Variants in RPS6KB2 observed in about 807,000 individuals in gnomAD.
RPS6KB2 encodes ribosomal protein S6 kinase B2, also known as ribosomal protein S6 kinase beta-2.
In RPS6KB2, 51 loss-of-function variants were observed where a neutral mutation model predicts 58.2. The ratio of observed to expected loss-of-function variants is 0.88; its 90% CI spans 0.70 to 1.11. The LOEUF (loss-of-function observed/expected upper bound fraction) is 1.11. Among genes scored for constraint, RPS6KB2 ranks in the 50% least tolerant of loss-of-function variants. The probability of loss-of-function intolerance (pLI) is 0.00; values close to 1 mark genes in which losing one functional copy is unlikely to be tolerated. For synonymous variants in RPS6KB2, 293 were observed against 258.6 expected (o/e 1.13, Z -1.28); for missense variants, 671 against 655.8 (o/e 1.02, Z -0.25).
chr11:67,435,341 G>A lies in RPS6KB2; in HGVS notation c.*172G>A. On this transcript the variant is annotated 3_prime_UTR_variant, in exon 15 of 15. Coordinates refer to ENST00000312629, the MANE Select transcript of RPS6KB2 (RefSeq NM_003952.3). ...TGTGCCCCTGAATCATGGGCACGGAGGGCCGCCCGCCACGCCCCGCGCTCA... is the reference window on the plus strand; with the variant it reads ...TGTGCCCCTGAATCATGGGCACGGAAGGCCGCCCGCCACGCCCCGCGCTCA... 1 of 695,330 alleles carries A rather than the reference G, an allele frequency of 1.4e-6. No homozygotes were observed. Among genetic ancestry groups the A allele is most frequent in the Non-Finnish European group, 2.3e-6 (1 of 428,716 alleles). 43.1% of individuals were successfully genotyped at this position (695,330 alleles called of 1,614,324 possible). A position where few individuals can be genotyped will look rare whatever the true frequency, so the allele number is the denominator to read the frequency against.
At chr11:67,433,948 A>G (rs917729493) in intron 10 of RPS6KB2, 47 bp from the exon 11 acceptor site, 2 of 1,608,846 alleles carry the variant, frequency 1.2e-6, no homozygotes. Flanking sequence ...CCGGGGACAC[A>G]TGAGCAGTAC....
Position 67,429,062 on chromosome 11 carries a change from G to C in RPS6KB2, c.119+40G>C, listed in dbSNP as rs1364678455. ...TGTTGGGGGAGGGGGGAATGGAGTG[G>C]GGAAGGGGAACTGGGGAGCACTGGA... On this transcript the variant is annotated intron_variant, in intron 2 of 14. Coordinates refer to ENST00000312629, the MANE Select transcript of RPS6KB2 (RefSeq NM_003952.3). 4 of 1,613,456 alleles carry C rather than the reference G, an allele frequency of 2.5e-6. No individual in the cohort carries two copies. The Admixed American group carries it at 5.0e-5, about 20-fold the overall frequency.
chr11:67,428,949 C>G (rs1863932872), intron 1 of RPS6KB2, 33 bp from the exon 2 acceptor site: 1 of 1,614,054 alleles, frequency 6.2e-7, no homozygotes, highest in Non-Finnish European at 8.5e-7. Flanking sequence ...ATCCTGGCAC[C>G]TTCCTTGGCT....
chr11:67,434,598 C>A lies in RPS6KB2; in HGVS notation c.1172C>A (p.Ala391Glu). ...GCCCCCCAGGGCTTCACATACGTGG[C>A]GCCGTCTGTCCTGGACAGCATCAAG... Reference protein sequence around the residue: ...NQAFLGFTYVAPSVLDSIKEG... With the variant: ...NQAFLGFTYVEPSVLDSIKEG... Residue 391 changes from alanine to glutamate, a missense_variant, in exon 14 of 15, where the codon GCG becomes GAG. By Grantham distance (107) the Ala-to-Glu change is moderately radical (BLOSUM62 -1). Coordinates refer to ENST00000312629, the MANE Select transcript of RPS6KB2 (RefSeq NM_003952.3). 6.2e-7 allele frequency: 1 copy of A among 1,605,786 alleles called. No homozygotes were observed.
chr11:67,429,774 G>A, intron 4 of RPS6KB2, 179 bp downstream of exon 4: 1 of 594,822 alleles, frequency 1.7e-6, no homozygotes, highest in African/African-American at 1.9e-5. Context: ...GGGCAATTTT[G>A]ACTCCCAGCA....
At chr11:67,434,548 CTGAG>C in intron 13 of RPS6KB2, 30 bp from the exon 14 acceptor site, 1 of 1,596,474 alleles carries the variant, frequency 6.3e-7, no homozygotes, top group Non-Finnish European at 8.5e-7. Context: ...ATGGCAGGCA[CTGAG>C]TGTCGCATGG....
In RPS6KB2 at chr11:67,429,547, G is replaced by A. The variant is rs1863956881; in HGVS notation, c.261G>A (p.Val87=). The A allele has an allele frequency of 6.2e-7, 1 of 1,613,228 alleles. No individual in the cohort carries two copies. The highest frequency in any genetic ancestry group is 1.7e-5 in the Admixed American group (1 of 59,910). The change falls in exon 4 of 15, where the codon GTG becomes GTA. Residue 87 remains valine, a synonymous_variant. Transcript: ENST00000312629. ...TACAGGTGTTCCAGGTGCGAAAGGT[G>A]CAAGGCACCAACTTGGGCAAAATAT... is the stretch of plus-strand genomic sequence containing the variant. The part of the protein sequence containing the change: ...GYGKVFQVRK[V]QGTNLGKIYA...
At position 67,434,593 on chromosome 11, in the gene RPS6KB2, C is replaced by T. The variant is rs375064585; in HGVS notation, c.1167C>T (p.Tyr389=). The change falls in exon 14 of 15, where the codon TAC becomes TAT. Residue 389 remains tyrosine, a synonymous_variant. Transcript: ENST00000312629. ...CCTCCGCCCCCCAGGGCTTCACATA[C>T]GTGGCGCCGTCTGTCCTGGACAGCA... is the stretch of plus-strand genomic sequence containing the variant. ...SANQAFLGFT[Y]VAPSVLDSIK... is the part of the protein sequence containing the mutation. The T allele has an allele frequency of 3.3e-5, 53 of 1,605,388 alleles. No individual in the cohort carries two copies. The highest frequency in any genetic ancestry group is 6.8e-5 in the Admixed American group (4 of 59,128).
Position 67,433,943 on chromosome 11 carries a change from GA to G in RPS6KB2, c.907-51del, listed in dbSNP as rs1307117245. The G allele has an allele frequency of 1.9e-6, 3 of 1,603,780 alleles. No homozygotes were observed. In the Admixed American group the frequency reaches 5.0e-5, roughly 27 times the overall value. On this transcript the variant is annotated intron_variant, in intron 10 of 14. Transcript: ENST00000312629. ...ACTCCAGCTAGCCCTGGGACCCGGG[GA>G]CACATGAGCAGTACTTGCCCAGGCC...
In RPS6KB2 at chr11:67,434,434, G is replaced by A; in HGVS notation, c.1105G>A (p.Asp369Asn). ...DTRFTRQTPV[D>N]SPDDTALSES... ...CCGCTTCACACGGCAGACGCCGGTG[G>A]ACAGTCCTGATGACACAGCCCTCAG... The change falls in exon 13 of 15, where the codon GAC becomes AAC. Residue 369 changes from aspartate to asparagine, a missense_variant. Asp to Asn is a conservative substitution (Grantham distance 23, BLOSUM62 1). Coordinates refer to ENST00000312629, the MANE Select transcript of RPS6KB2 (RefSeq NM_003952.3). The A allele has an allele frequency of 6.2e-7, 1 of 1,613,058 alleles. No homozygotes were observed.
At position 67,428,545 on chromosome 11, in the gene RPS6KB2, C is replaced by T. The variant is rs762377225; in HGVS notation, c.-1C>T. 28 of 1,607,510 alleles carry T rather than the reference C, an allele frequency of 1.7e-5. No individual in the cohort carries two copies. In the Middle Eastern group the frequency reaches 1.0e-3, roughly 58 times the overall value. On this transcript the variant is annotated 5_prime_UTR_variant, in exon 1 of 15. Coordinates refer to ENST00000312629, the MANE Select transcript of RPS6KB2 (RefSeq NM_003952.3). ...GACGGGCCCGCGGGGCCGGCGCCGC[C>T]ATGGCGGCCGTGTTTGATTTGGATT...
At position 67,433,125 on chromosome 11, in the gene RPS6KB2, G is replaced by C. The variant is rs1395823978; in HGVS notation, c.708-1G>C. Reference sequence around the variant, plus strand: ...GACTGACAGTTCCACCTGGACCCCAGGGCCCCTGAGATTCTGGTGCGCAGT... The same window carrying C: ...GACTGACAGTTCCACCTGGACCCCACGGCCCCTGAGATTCTGGTGCGCAGT... On this transcript the variant is annotated splice_acceptor_variant, in intron 8 of 14. Transcript: ENST00000312629. LOFTEE classifies it high-confidence loss of function. 11 of 1,604,620 alleles carry C rather than the reference G, an allele frequency of 6.9e-6. No individual in the cohort carries two copies. Among genetic ancestry groups the C allele is most frequent in the Non-Finnish European group, 9.4e-6 (11 of 1,176,420 alleles).
intron 1 of RPS6KB2, 160 bp downstream of exon 1, chr11:67,428,783 C>T: frequency 1.1e-6 from 1 of 898,634 alleles, no homozygotes; most frequent in Non-Finnish European, 1.8e-6. Context: ...CCCACCCTCA[C>T]CCCGACCTCT....
chr11:67,434,500 T>C lies in RPS6KB2; in HGVS notation c.1155+16T>C. The C allele has an allele frequency of 1.9e-6, 3 of 1,606,116 alleles. No homozygotes were observed. The highest frequency in any genetic ancestry group is 2.6e-6 in the Non-Finnish European group (3 of 1,175,610). Reference sequence around the variant, plus strand: ...GGCCTTCCTGGTGAGTGCGGGGGCCTGAGGCCTGTGGGACCAGGGCACGGA... The same window carrying C: ...GGCCTTCCTGGTGAGTGCGGGGGCCCGAGGCCTGTGGGACCAGGGCACGGA... On this transcript the variant is annotated intron_variant, in intron 13 of 14. Transcript: ENST00000312629.
At position 67,429,212 on chromosome 11, in the gene RPS6KB2, G is replaced by C; in HGVS notation, c.212G>C (p.Arg71Pro). The change falls in exon 3 of 15, where the codon CGT becomes CCT. Residue 71 changes from arginine (R) to proline (P), a missense_variant. Physicochemically the swap from Arg to Pro is moderately radical, Grantham distance 103 (BLOSUM62 -2). Coordinates refer to ENST00000312629, the MANE Select transcript of RPS6KB2 (RefSeq NM_003952.3). ...RIGPHCFELL[R>P]VLGKGGYGKV... ...GGGCCCCACTGCTTTGAGCTGCTGC[G>C]TGTGCTGGGCAAGGGGGGCTATGGC... 1 of 1,613,602 alleles carries C rather than the reference G, an allele frequency of 6.2e-7. No individual in the cohort carries two copies. The highest frequency in any genetic ancestry group is 8.5e-7 in the Non-Finnish European group (1 of 1,180,018).
intron 4 of RPS6KB2, 39 bp from the exon 5 acceptor site, chr11:67,431,329 C>A (rs1429571943): frequency 1.2e-6 from 2 of 1,605,462 alleles, no homozygotes; most frequent in African/African-American, 2.7e-5. Context: ...TGTGCCCAGC[C>A]TGGATGCCTC....
At position 67,435,062 on chromosome 11, in the gene RPS6KB2, C is replaced by T; in HGVS notation, c.1342C>T (p.Pro448Ser). Residue 448 changes from proline (P) to serine (S), a missense_variant, in exon 15 of 15, where the codon CCT (proline) becomes TCT (serine). Pro to Ser is a moderately conservative substitution (Grantham distance 74). Transcript: ENST00000312629. ...GCCGGAGCCCACGGAGCTACCTCTA[C>T]CTCCACTCCTGCCACCGCCGCCGCC... ...SLPEPTELPL[P>S]PLLPPPPPST... 2 of 1,611,876 alleles carry T rather than the reference C, an allele frequency of 1.2e-6. No homozygotes were observed. Among genetic ancestry groups the T allele is most frequent in the Non-Finnish European group, 1.7e-6 (2 of 1,179,210 alleles).
intron 1 of RPS6KB2, 127 bp downstream of exon 1, chr11:67,428,750 C>G: frequency 1.0e-6 from 1 of 987,242 alleles, no homozygotes; most frequent in Non-Finnish European, 1.5e-6. Context: ...CTTCTCAGAT[C>G]CCGGTCTCTA....
intron 3 of RPS6KB2, 37 bp from the exon 4 acceptor site, chr11:67,429,490 G>T: frequency 1.3e-6 from 2 of 1,592,018 alleles, no homozygotes; most frequent in East Asian, 2.2e-5. Flanking sequence ...GATAGGATGT[G>T]GAGAGGGAAG....
Sources: gnomAD v4.1 joint callset for allele counts on GRCh38, gnomAD v4.1.1 for gene constraint, MANE v1.5 for transcripts, NCBI Gene and HGNC (gene_info 2026-07-23, HGNC 2026-07-21) for gene names.